Variants in DNAI4 observed in about 807,000 individuals in gnomAD.
DNAI4 encodes the protein dynein axonemal intermediate chain 4.
In DNAI4, 85 loss-of-function variants were observed where a neutral mutation model predicts 105.8. The ratio of observed to expected loss-of-function variants is 0.80; its 90% CI spans 0.67 to 0.96. DNAI4 has a LOEUF of 0.96. Among genes scored for constraint, DNAI4 ranks in the 40% least tolerant of loss-of-function variants. The pLI, the probability that DNAI4 is intolerant of heterozygous loss-of-function variation, is 0.00. For missense variants in DNAI4, 1,014 were observed against 1,005.6 expected (o/e 1.01, Z -0.11); for synonymous variants, 352 against 331.5 (o/e 1.06, Z -0.67).
At chr1:66,891,019 T>A (rs1276293877) in intron 4 of DNAI4, 135 bp downstream of exon 4, 8 of 740,510 alleles carry the variant, frequency 1.1e-5, no homozygotes, top group Non-Finnish European at 1.9e-5. Context: ...CCCTGGTAAT[T>A]CTCTTGAAGC....
intron 6 of DNAI4, chr1:66,870,740 C>T (rs1646826728): frequency 9.8e-6 from 1 of 101,858 alleles, no homozygotes; most frequent in African/African-American, 4.0e-5. Flanking sequence ...CAAGGTGAGA[C>T]TCTGACGCAA....
At chr1:66,847,080 AAG>A (rs1345797368) in intron 8 of DNAI4, among the ~76,000 whole-genome samples, 1 of 152,180 alleles carries the variant, frequency 6.6e-6, no homozygotes, top group Non-Finnish European at 1.5e-5. Flanking sequence ...AGGGAGAAGA[AAG>A]AGCTATAGAT....
At chr1:66,899,537 C>G (rs939810686) in intron 2 of DNAI4, among the ~76,000 whole-genome samples, 9 of 152,108 alleles carry the variant, frequency 5.9e-5, no homozygotes, top group Admixed American at 3.3e-4. Flanking sequence ...GTTATCTTTT[C>G]ACTCTGTATA....
At chr1:66,873,291 G>A (rs961115750) in intron 5 of DNAI4, among the ~76,000 whole-genome samples, 4 of 148,720 alleles carry the variant, frequency 2.7e-5, no homozygotes, top group African/African-American at 9.9e-5. Flanking sequence ...GACCAGGCTG[G>A]AATGCAATGG....
chr1:66,890,313 G>A lies in DNAI4; in HGVS notation c.643+841C>T, dbSNP rs1647485636. The A allele has an allele frequency of 6.6e-6, 1 of 152,438 alleles. No individual in the cohort carries two copies. The highest frequency in any genetic ancestry group is 1.5e-5 in the Non-Finnish European group (1 of 68,476). 9.4% of individuals were successfully genotyped at this position (152,438 alleles called of 1,614,324 possible). A position where few individuals can be genotyped will look rare whatever the true frequency, so the allele number is the denominator to read the frequency against. On this transcript the variant is annotated intron_variant, in intron 4 of 16. Transcript: ENST00000371026. This position sits in a 1 kb window ranked among gnomAD's most constrained non-coding sequence, Gnocchi z 4.1. ...AGATCCTGAGAAGAAGAAGAAAGAA[G>A]AGGCCAGGCACAGTGGCTCAGGCCT...
chr1:66,861,066 T>A (rs939110363), intron 7 of DNAI4, among the ~76,000 whole-genome samples: 1 of 152,016 alleles, frequency 6.6e-6, no homozygotes, highest in Non-Finnish European at 1.5e-5. Flanking sequence ...GACTAGAAAA[T>A]GAGATTTTAA....
chr1:66,898,590 T>C (rs1405601370), intron 2 of DNAI4, among the ~76,000 whole-genome samples: 2 of 152,160 alleles, frequency 1.3e-5, no homozygotes, highest in Non-Finnish European at 2.9e-5. Context: ...CCTCACCATG[T>C]AATAACCTGC....
At chr1:66,876,415 T>C (rs546001810) in intron 4 of DNAI4, among the ~76,000 whole-genome samples, 78 of 152,274 alleles carry the variant, frequency 5.1e-4, no homozygotes, top group African/African-American at 1.7e-3. Context: ...GACATGCTAA[T>C]TATAAAAATA....
At chr1:66,880,493 G>C (rs1557952312) in intron 4 of DNAI4, among the ~76,000 whole-genome samples, 1 of 152,210 alleles carries the variant, frequency 6.6e-6, no homozygotes. Context: ...TGGAGCAAAG[G>C]TGACTCTTGT....
At chr1:66,844,753 G>A (rs992732326) in intron 8 of DNAI4, among the ~76,000 whole-genome samples, 10 of 151,712 alleles carry the variant, frequency 6.6e-5, no homozygotes, top group African/African-American at 1.7e-4. Context: ...ATTAGATTTC[G>A]CAAAAATAAA....
chr1:66,889,140 T>C (rs1355646154), intron 4 of DNAI4, among the ~76,000 whole-genome samples: 1 of 152,232 alleles, frequency 6.6e-6, no homozygotes, highest in African/African-American at 2.4e-5. Flanking sequence ...TCCTTGCCTC[T>C]TTCTTTTAAT....
intron 6 of DNAI4, among the ~76,000 whole-genome samples, chr1:66,870,434 C>A (rs572900214): frequency 2.4e-5 from 3 of 122,650 alleles, no homozygotes; most frequent in African/African-American, 1.0e-4. Flanking sequence ...AAGAGCGAAA[C>A]TGTGCCTCAA....
intron 16 of DNAI4, 96 bp downstream of exon 16, chr1:66,822,265 C>A: frequency 1.8e-6 from 2 of 1,138,324 alleles, no homozygotes; most frequent in Non-Finnish European, 2.4e-6. Context: ...TATATTACAC[C>A]TAAGATATTG....
chr1:66,834,081 T>C lies in DNAI4; in HGVS notation c.1801A>G (p.Thr601Ala). Residue 601 changes from threonine to alanine, a missense_variant, in exon 12 of 17, where the codon ACA becomes GCA. Transcript: ENST00000371026. ...AGTATTTCTCTTTTGCCATCTCCTG[T>C]TGTTCCTCGATCTTGTTCTATCCAC... ...LQWIEQDRGT[T>A]GDGKREILVS... The C allele has an allele frequency of 1.2e-6, 2 of 1,612,882 alleles. No individual in the cohort carries two copies. The highest frequency in any genetic ancestry group is 1.7e-6 in the Non-Finnish European group (2 of 1,179,482).
chr1:66,914,170 CA>C (rs1367675558), intron 1 of DNAI4, among the ~76,000 whole-genome samples: 3 of 151,918 alleles, frequency 2.0e-5, no homozygotes, highest in African/African-American at 7.3e-5. Flanking sequence ...GAGGTGAAAA[CA>C]AGCAGAATGC....
At chr1:66,841,616 A>T (rs779443737) in intron 8 of DNAI4, among the ~76,000 whole-genome samples, 3 of 151,966 alleles carry the variant, frequency 2.0e-5, no homozygotes, top group Non-Finnish European at 4.4e-5. Context: ...AGCAATCCTC[A>T]TGTCTCAGCC....
chr1:66,859,493 C>T (rs1389237060), intron 7 of DNAI4, among the ~76,000 whole-genome samples: 1 of 152,130 alleles, frequency 6.6e-6, no homozygotes. Context: ...CAAAAACCTG[C>T]ACATGAATGT....
intron 1 of DNAI4, among the ~76,000 whole-genome samples, chr1:66,923,905 G>A (rs572070108): frequency 6.6e-6 from 1 of 152,286 alleles, no homozygotes; most frequent in East Asian, 1.9e-4. Context: ...CTACAGTCTT[G>A]TTCAACTGCT....
chr1:66,878,830 A>G (rs1386955741), intron 4 of DNAI4, among the ~76,000 whole-genome samples: 11 of 152,170 alleles, frequency 7.2e-5, no homozygotes, highest in Non-Finnish European at 1.5e-5. Context: ...CCCCATGGGA[A>G]GTGACTATAA....
Sources: gnomAD v4.1 joint callset for allele counts (sites outside exome capture counted in the v4.1 genomes callset) on GRCh38, gnomAD v4.1.1 for gene constraint, Gnocchi (gnomAD v3.1) non-coding constraint, MANE v1.5 for transcripts, NCBI Gene and HGNC (gene_info 2026-07-23, HGNC 2026-07-21) for gene names.